The following PCCA variants were observed in gnomAD, a reference collection of about 807,000 sequenced individuals.
The protein encoded by PCCA is propionyl-CoA carboxylase alpha chain, mitochondrial.
PCCA carries 74 observed loss-of-function variants against 101.3 expected under a neutral mutation model. The ratio of observed to expected loss-of-function variants is 0.73; its 90% confidence interval spans 0.61 to 0.89. The LOEUF (loss-of-function observed/expected upper bound fraction) is 0.89. PCCA is among the 40% of genes least tolerant of loss of function. PCCA has a pLI of 0.00. For synonymous variants in PCCA, 294 were observed against 313.6 expected (o/e 0.94, Z 0.66); for missense variants, 891 against 907.0 (o/e 0.98, Z 0.23).
At chr13:100,173,196 A>G (rs1238315984) in intron 6 of PCCA, among the ~76,000 whole-genome samples, 1 of 152,212 alleles carries the variant, frequency 6.6e-6, no homozygotes, top group Admixed American at 6.5e-5. Flanking sequence ...ACAGGGAGGA[A>G]GAAAGAGAAT....
intron 21 of PCCA, among the ~76,000 whole-genome samples, chr13:100,468,504 A>G (rs1309151645): frequency 6.6e-6 from 1 of 152,202 alleles, no homozygotes; most frequent in Non-Finnish European, 1.5e-5. Context: ...CTTCTGCGTG[A>G]CTTACTGCAG....
intron 4 of PCCA, among the ~76,000 whole-genome samples, chr13:100,134,202 T>C (rs965407167): frequency 6.6e-6 from 1 of 152,216 alleles, no homozygotes; most frequent in Non-Finnish European, 1.5e-5. Flanking sequence ...CTTTTGCACC[T>C]CTGTCAAAAA....
At chr13:100,216,681 C>G (rs1329959240) in intron 7 of PCCA, among the ~76,000 whole-genome samples, 3 of 152,074 alleles carry the variant, frequency 2.0e-5, no homozygotes, top group Non-Finnish European at 4.4e-5. Flanking sequence ...CAAAAGAAAC[C>G]AAAAACCAAG....
intron 21 of PCCA, among the ~76,000 whole-genome samples, chr13:100,471,163 G>A (rs1455019484): frequency 6.6e-6 from 1 of 152,174 alleles, no homozygotes; most frequent in Non-Finnish European, 1.5e-5. Context: ...ATACTGTTGT[G>A]TCTTGGGGAA....
intron 6 of PCCA, among the ~76,000 whole-genome samples, chr13:100,203,962 A>G (rs1235227504): frequency 6.6e-6 from 1 of 152,142 alleles, no homozygotes; most frequent in Admixed American, 6.6e-5. Flanking sequence ...TCTATCTGCT[A>G]CATTAGTTTT....
At chr13:100,358,390 G>A (rs144037750) in intron 18 of PCCA, among the ~76,000 whole-genome samples, 9 of 152,232 alleles carry the variant, frequency 5.9e-5, no homozygotes, top group Middle Eastern at 3.4e-3. Context: ...GAAATCAACC[G>A]TGAGATTACT....
chr13:100,433,926 C>A (rs764409833), intron 20 of PCCA, among the ~76,000 whole-genome samples: 5 of 152,160 alleles, frequency 3.3e-5, no homozygotes, highest in Non-Finnish European at 7.3e-5. Flanking sequence ...TCCAAAGATA[C>A]AAGGAAAGCT....
At chr13:100,499,255 T>A (rs73566614) in intron 21 of PCCA, among the ~76,000 whole-genome samples, 2,128 of 152,298 alleles carry the variant, frequency 0.014, 45 homozygotes, top group African/African-American at 0.048. Flanking sequence ...GCATCCGCGC[T>A]CACATAACTG....
chr13:100,416,222 T>A (rs1363395345), intron 19 of PCCA, among the ~76,000 whole-genome samples: 1 of 151,774 alleles, frequency 6.6e-6, no homozygotes, highest in African/African-American at 2.4e-5. Flanking sequence ...GGAGTCTCGC[T>A]CTGTCGCCCA....
chr13:100,476,006 A>G (rs1483715253), intron 21 of PCCA, among the ~76,000 whole-genome samples: 1 of 152,216 alleles, frequency 6.6e-6, no homozygotes, highest in East Asian at 1.9e-4. Flanking sequence ...CATTTCAGTT[A>G]ATATATATTT....
Position 100,357,019 on chromosome 13 carries a change from A to G in PCCA, c.1644-11453A>G, listed in dbSNP as rs78208854. Among the ~76,000 whole-genome samples, 610 of 152,346 alleles carry G rather than the reference A, an allele frequency of 4.0e-3. 5 individuals carry two copies. Among genetic ancestry groups the G allele is most frequent in the African/African-American group, 0.014 (564 of 41,584 alleles). Reference sequence around the variant, plus strand: ...GCAAAGCTATAGAAATCGAAAGTACATAACAGTTGCTTAGGGCTGAGGAGG... The same window carrying G: ...GCAAAGCTATAGAAATCGAAAGTACGTAACAGTTGCTTAGGGCTGAGGAGG... On this transcript the variant is annotated intron_variant, in intron 18 of 23. Transcript: ENST00000376285.
intron 1 of PCCA, among the ~76,000 whole-genome samples, chr13:100,102,214 C>T (rs1453060572): frequency 1.3e-5 from 2 of 151,942 alleles, no homozygotes; most frequent in African/African-American, 4.8e-5. Context: ...GATCTTGGCT[C>T]ACTGCCACCT....
At position 100,387,043 on chromosome 13, in the gene PCCA, G is replaced by A. The variant is rs373414755; in HGVS notation, c.1746+18469G>A. ...AACTTCTGCAGTGACTTGGCCATCC[G>A]GGGAAGCAATCAGAAAAGCAGCTGG... is the stretch of plus-strand genomic sequence containing the variant. On this transcript the variant is annotated intron_variant, in intron 19 of 23. Coordinates refer to ENST00000376285, the MANE Select transcript of PCCA (RefSeq NM_000282.4). 1.1e-3 allele frequency among the ~76,000 whole-genome samples: 173 copies of A among 152,182 alleles called. 6 individuals are homozygous for A. In the South Asian group the frequency reaches 0.032, roughly 28 times the overall value.
intron 15 of PCCA, among the ~76,000 whole-genome samples, chr13:100,308,909 C>A (rs1430297307): frequency 6.6e-6 from 1 of 151,928 alleles, no homozygotes; most frequent in Non-Finnish European, 1.5e-5. Context: ...TATTTCATTG[C>A]CAAATTATAG....
chr13:100,259,533 C>T (rs1278194472), intron 9 of PCCA, among the ~76,000 whole-genome samples: 2 of 151,802 alleles, frequency 1.3e-5, no homozygotes, highest in Non-Finnish European at 2.9e-5. Context: ...CGGGGTTTCA[C>T]CATGTTGGCC....
chr13:100,110,179 T>A (rs2048181473), intron 2 of PCCA, among the ~76,000 whole-genome samples: 1 of 152,170 alleles, frequency 6.6e-6, no homozygotes, highest in South Asian at 2.1e-4. Flanking sequence ...ATAAGAGTAC[T>A]TTTTAAAAGG....
intron 18 of PCCA, among the ~76,000 whole-genome samples, chr13:100,353,889 G>A (rs931714034): frequency 1.1e-4 from 16 of 152,070 alleles, no homozygotes; most frequent in African/African-American, 3.9e-4. Flanking sequence ...GGAGGCGGAA[G>A]TTGCAGTGAG....
At chr13:100,209,706 A>G (rs999345480) in intron 7 of PCCA, among the ~76,000 whole-genome samples, 3 of 152,032 alleles carry the variant, frequency 2.0e-5, no homozygotes, top group African/African-American at 7.2e-5. Flanking sequence ...ATCTCGGTTC[A>G]CTGCAACCTC....
intron 7 of PCCA, among the ~76,000 whole-genome samples, chr13:100,230,884 A>G (rs992656667): frequency 6.6e-6 from 1 of 152,134 alleles, no homozygotes; most frequent in African/African-American, 2.4e-5. Context: ...AGCAGATGCT[A>G]TGCCAGAATT....
Sources: gnomAD v4.1 joint callset for allele counts (sites outside exome capture counted in the v4.1 genomes callset) on GRCh38, gnomAD v4.1.1 for gene constraint, MANE v1.5 for transcripts, NCBI Gene and HGNC (gene_info 2026-07-23, HGNC 2026-07-21) for gene names.